Variants in NOC2L observed in about 807,000 individuals in gnomAD.
NOC2L encodes the protein nucleolar complex protein 2 homolog.
Under a neutral mutation model 94.2 loss-of-function variants are expected in NOC2L, and 101 were observed. The ratio of observed to expected loss-of-function variants is 1.07; its 90% CI spans 0.91 to 1.26. The LOEUF (loss-of-function observed/expected upper bound fraction) is 1.26, where lower values mean the gene tolerates loss of function less well. Among genes scored for constraint, NOC2L ranks in the 50% most tolerant of loss-of-function variants. The probability of loss-of-function intolerance (pLI) is 0.00; values close to 1 mark genes in which losing one functional copy is unlikely to be tolerated. For synonymous variants in NOC2L, 531 were observed against 413.4 expected, an observed-to-expected ratio of 1.28 and a Z score of -3.45; for missense variants, 1,076 against 980.1, an observed-to-expected ratio of 1.10 and a Z score of -1.31.
Position 945,575 on chromosome 1 carries a change from C to A in NOC2L, c.1996G>T (p.Asp666Tyr). 1 of 1,614,160 alleles carries A rather than the reference C, an allele frequency of 6.2e-7. No homozygotes were observed. The highest frequency in any genetic ancestry group is 1.1e-5 in the South Asian group (1 of 91,088). The change falls in exon 17 of 19, where the codon GAC (aspartate) becomes TAC (tyrosine). Residue 666 changes from aspartate (D) to tyrosine (Y), a missense_variant. Physicochemically the swap from Asp to Tyr is radical, Grantham distance 160. This residue lies in a region of NOC2L where 615 missense variants were observed against 577.4 expected (regional missense o/e 1.07). Transcript: ENST00000327044. ...TCAGAGCTGTTCAGGTCAAAGAGGT[C>A]TTTAAATTGCTTCCTGTCCTCATCC... The part of the protein sequence containing the change: ...RKDEDRKQFK[D>Y]LFDLNSSEED...
intron 8 of NOC2L, among the ~76,000 whole-genome samples, chr1:953,553 C>T (rs1034962777): frequency 2.0e-5 from 3 of 152,252 alleles, no homozygotes; most frequent in African/African-American, 4.8e-5. Flanking sequence ...GATACCTCAC[C>T]GTGGCTTTGC....
intron 17 of NOC2L, 149 bp downstream of exon 17, chr1:945,369 G>GAAGCCTGGC: frequency 9.4e-7 from 1 of 1,065,672 alleles, no homozygotes; most frequent in Non-Finnish European, 1.3e-6. Flanking sequence ...GCTGGCACCA[G>GAAGCCTGGC]AAGCCTGGCA....
rs113954278 is a variant in NOC2L, at chr1:952,706, C to G, written c.1003-106G>C. 3.0e-4 allele frequency: 346 copies of G among 1,145,270 alleles called. 3 individuals are homozygous for G. In the African/African-American group the frequency reaches 4.6e-3, roughly 15 times the overall value. The allele number at this position is 1,145,270 out of a possible 1,614,324, so 70.9% of individuals were successfully genotyped here. On this transcript the variant is annotated intron_variant, in intron 9 of 18. Transcript: ENST00000327044. ...CTGGGCCTTTCCCTCAGAGCTGGGCCTCGAGGAAGAGCCGTAGCCCCTTGC... is the reference window on the plus strand; with the variant it reads ...CTGGGCCTTTCCCTCAGAGCTGGGCGTCGAGGAAGAGCCGTAGCCCCTTGC...
At chr1:952,750 T>C in intron 9 of NOC2L, 150 bp from the exon 10 acceptor site, 1 of 760,152 alleles carries the variant, frequency 1.3e-6, no homozygotes, top group Middle Eastern at 2.3e-4. Context: ...CACCCCCAAG[T>C]GCCCACCAGC....
Position 958,922 on chromosome 1 carries a change from C to T in NOC2L, c.179+7G>A, listed in dbSNP as rs1360817186. 1.9e-6 allele frequency: 3 copies of T among 1,612,610 alleles called. No individual in the cohort carries two copies. Among genetic ancestry groups the T allele is most frequent in the Non-Finnish European group, 2.5e-6 (3 of 1,179,912 alleles). ...AAGAGGTTCTGCTCACGCATGTCCC[C>T]ACTAACCTGGCCGAGGGGCTCCCGC... On this transcript the variant is annotated splice_region_variant and intron_variant, in intron 2 of 18. Transcript: ENST00000327044.
intron 18 of NOC2L, 98 bp from the exon 19 acceptor site, chr1:944,898 T>C: frequency 7.3e-7 from 1 of 1,365,258 alleles, no homozygotes; most frequent in Non-Finnish European, 1.0e-6. Flanking sequence ...ACTAATTAAT[T>C]TATCCCTGTT....
chr1:959,226 C>A lies in NOC2L; in HGVS notation c.15G>T (p.Gly5=), dbSNP rs760741494. 3.1e-6 allele frequency: 5 copies of A among 1,607,270 alleles called. No homozygotes were observed. The highest frequency in any genetic ancestry group is 3.4e-6 in the Non-Finnish European group (4 of 1,177,748). Reference sequence around the variant, plus strand: ...GACCCGCGGCTTACCTCTTGCGGCTCCCCGCAGCTGCCATGACACCAACCC... The same window carrying A: ...GACCCGCGGCTTACCTCTTGCGGCTACCCGCAGCTGCCATGACACCAACCC... The part of the protein sequence containing the change: MAAA[G]SRKRRLAELT... Residue 5 remains glycine (G), a synonymous_variant, in exon 1 of 19, where the codon GGG becomes GGT. Coordinates refer to ENST00000327044, the MANE Select transcript of NOC2L (RefSeq NM_015658.4).
rs371201923 is a variant in NOC2L at position 945,105 on chromosome 1, C to T, written c.2095G>A (p.Asp699Asn). The T allele has an allele frequency of 3.3e-5, 54 of 1,613,544 alleles. No individual in the cohort carries two copies. The highest frequency in any genetic ancestry group is 6.7e-5 in the African/African-American group (5 of 74,918). The stretch of plus-strand genomic sequence containing the variant: ...TCGCCCTCCTCCTCGTCCTCTTCAT[C>T]GTCTTCCACCCCATGCCGAGTGCTC... ...PLSTRHGVED[D>N]EEDEEEGEED... is the part of the protein sequence containing the mutation. Residue 699 changes from aspartate to asparagine, a missense_variant, in exon 18 of 19, where the codon GAT (aspartate) becomes AAT (asparagine). Coordinates refer to ENST00000327044, the MANE Select transcript of NOC2L (RefSeq NM_015658.4).
At chr1:954,851 C>CAAACAAAACA (rs925849771) in intron 6 of NOC2L, among the ~76,000 whole-genome samples, 3 of 151,868 alleles carry the variant, frequency 2.0e-5, no homozygotes, top group African/African-American at 4.8e-5. Flanking sequence ...AAAAACCAAA[C>CAAACAAAACA]AAACAAAACA....
At chr1:950,578 C>T (rs1485959112) in intron 12 of NOC2L, among the ~76,000 whole-genome samples, 1 of 152,214 alleles carries the variant, frequency 6.6e-6, no homozygotes, top group Non-Finnish European at 1.5e-5. Context: ...TACACACGCA[C>T]AGATGCACAC....
At chr1:958,296 A>C (rs1252591915) in intron 2 of NOC2L, 1 of 183,640 alleles carries the variant, frequency 5.4e-6, no homozygotes, top group African/African-American at 2.4e-5. Flanking sequence ...TCTCTCACCC[A>C]GGCTGGAATG....
chr1:945,148 T>C lies in NOC2L; in HGVS notation c.2054-2A>G. On this transcript the variant is annotated splice_acceptor_variant, in intron 17 of 18. Coordinates refer to ENST00000327044, the MANE Select transcript of NOC2L (RefSeq NM_015658.4). LOFTEE classifies it high-confidence loss of function. ...GAGTGCTCAGGGGCCTCAGTATCCC[T>C]GAGGAACAAGAAGCAGAGTCCATAT... 6.3e-7 allele frequency: 1 copy of C among 1,599,994 alleles called. No homozygotes were observed.
chr1:947,926 C>T (rs776583484), intron 14 of NOC2L, among the ~76,000 whole-genome samples: 2 of 152,246 alleles, frequency 1.3e-5, no homozygotes, highest in Admixed American at 6.5e-5. Flanking sequence ...AGCCCACTGC[C>T]CAGGCCTGCC....
rs750738719 is a variant in NOC2L at position 959,249 on chromosome 1, C to G, written c.-9G>C. On this transcript the variant is annotated 5_prime_UTR_variant, in exon 1 of 19. Transcript: ENST00000327044. ...CTCCCCGCAGCTGCCATGACACCAA[C>G]CCGAAGCGTGCACCCCACTTCCGGC... 3 of 1,604,188 alleles carry G rather than the reference C, an allele frequency of 1.9e-6. No homozygotes were observed. The highest frequency in any genetic ancestry group is 1.3e-5 in the African/African-American group (1 of 74,826).
chr1:955,363 G>A (rs746610281), intron 6 of NOC2L, among the ~76,000 whole-genome samples: 1 of 152,232 alleles, frequency 6.6e-6, no homozygotes, highest in Middle Eastern at 3.2e-3. Flanking sequence ...ACTGCCTCAA[G>A]GTCACATGGC....
chr1:958,523 T>C (rs1642480027), intron 2 of NOC2L: 1 of 382,482 alleles, frequency 2.6e-6, no homozygotes, highest in Non-Finnish European at 5.2e-6. Context: ...GTGCTGGCAT[T>C]ACAGGCGTGA....
At chr1:952,667 G>T (rs1045150511) in intron 9 of NOC2L, 67 bp from the exon 10 acceptor site, 2 of 1,513,302 alleles carry the variant, frequency 1.3e-6, no homozygotes, top group Non-Finnish European at 1.8e-6. Flanking sequence ...CCACTCCAGG[G>T]CCCCTGTGAA....
At position 952,917 on chromosome 1, in the gene NOC2L, C is replaced by A. The variant is rs964270479; in HGVS notation, c.1002+258G>T. Among the ~76,000 whole-genome samples, 17 of 152,322 alleles carry A rather than the reference C, an allele frequency of 1.1e-4. No individual in the cohort carries two copies. The Middle Eastern group carries it at 0.01, about 91-fold the overall frequency. ...AGGTCCCAACACCCAGTGTCCTCCT[C>A]CAGCCAGAGAGGCCCTCCCCTGGGG... On this transcript the variant is annotated intron_variant, in intron 9 of 18. Transcript: ENST00000327044.
chr1:948,677 G>A, intron 12 of NOC2L, 74 bp from the exon 13 acceptor site: 1 of 1,267,652 alleles, frequency 7.9e-7, no homozygotes, highest in Non-Finnish European at 1.2e-6. Flanking sequence ...CTGCACCCTG[G>A]TCCCCCTGGT....
Sources: allele counts gnomAD v4.1 joint callset (sites outside exome capture counted in the v4.1 genomes callset), GRCh38; gene constraint gnomAD v4.1.1; regional missense constraint gnomAD v4.1.1; transcripts MANE v1.5; gene names NCBI Gene and HGNC (gene_info 2026-07-23, HGNC 2026-07-21).